The following UBE2D2 variants were observed in gnomAD, a reference collection of about 807,000 sequenced individuals.
The protein encoded by UBE2D2 is ubiquitin-conjugating enzyme E2 D2.
In UBE2D2, 2 loss-of-function variants were observed where a neutral mutation model predicts 24.2. The observed-to-expected ratio is 0.08, with a 90% CI of 0.03 to 0.26. The LOEUF (loss-of-function observed/expected upper bound fraction) is 0.26, where lower values mean the gene tolerates loss of function less well. Ranked by LOEUF, UBE2D2 falls within the 10% of genes least tolerant of loss-of-function variation. The pLI, the probability that UBE2D2 is intolerant of heterozygous loss-of-function variation, is 1.00. For missense variants in UBE2D2, 44 were observed against 177.6 expected, an observed-to-expected ratio of 0.25 and a Z score of 4.28; for synonymous variants, 58 against 56.5, an observed-to-expected ratio of 1.03 and a Z score of -0.12.
At chr5:139,575,829 G>GCAATT (rs1254516252) in intron 1 of UBE2D2, among the ~76,000 whole-genome samples, 1 of 152,198 alleles carries the variant, frequency 6.6e-6, no homozygotes. Flanking sequence ...ACCAGCCTGA[G>GCAATT]CAATTCAGCA....
intron 5 of UBE2D2, among the ~76,000 whole-genome samples, chr5:139,619,349 T>G (rs1391112474): frequency 6.8e-6 from 1 of 146,984 alleles, no homozygotes; most frequent in Non-Finnish European, 1.5e-5. Context: ...TGAGCCAACA[T>G]CACACCACTG....
intron 1 of UBE2D2, among the ~76,000 whole-genome samples, chr5:139,578,964 A>T (rs1005008724): frequency 6.6e-6 from 1 of 151,778 alleles, no homozygotes; most frequent in Non-Finnish European, 1.5e-5. Context: ...ATTTTTGTTT[A>T]TTTATTTATT....
chr5:139,590,880 C>T (rs779752300), intron 1 of UBE2D2, among the ~76,000 whole-genome samples: 4 of 142,830 alleles, frequency 2.8e-5, no homozygotes, highest in East Asian at 2.0e-4. Flanking sequence ...TTGCAATGTC[C>T]GCCTCCCGGG....
At chr5:139,529,249 T>A (rs549755155) in intron 1 of UBE2D2, among the ~76,000 whole-genome samples, 3 of 152,240 alleles carry the variant, frequency 2.0e-5, no homozygotes, top group African/African-American at 7.2e-5. Flanking sequence ...CCTCTGAACC[T>A]CCCAAGATCA....
intron 1 of UBE2D2, among the ~76,000 whole-genome samples, chr5:139,550,475 A>T (rs1016746388): frequency 6.6e-6 from 1 of 152,218 alleles, no homozygotes; most frequent in African/African-American, 2.4e-5. Context: ...CAAATGGGCC[A>T]ATCAGCAGGA....
At chr5:139,545,033 C>G (rs1477307661) in intron 1 of UBE2D2, among the ~76,000 whole-genome samples, 1 of 151,772 alleles carries the variant, frequency 6.6e-6, no homozygotes, top group African/African-American at 2.4e-5. Flanking sequence ...CCCGCCTCGG[C>G]CTTCCAAAGT....
At chr5:139,578,288 C>T (rs745617770) in intron 1 of UBE2D2, among the ~76,000 whole-genome samples, 1 of 152,170 alleles carries the variant, frequency 6.6e-6, no homozygotes, top group Non-Finnish European at 1.5e-5. Flanking sequence ...TGTATACTTC[C>T]TAATACTTTT....
At chr5:139,617,183 CAA>C (rs57391737) in intron 5 of UBE2D2, among the ~76,000 whole-genome samples, 2 of 105,444 alleles carry the variant, frequency 1.9e-5, no homozygotes, top group African/African-American at 3.6e-5. Flanking sequence ...ACTTTGTCTC[CAA>C]AAAAAAAAAA....
At chr5:139,584,546 T>C (rs1212192077) in intron 1 of UBE2D2, among the ~76,000 whole-genome samples, 4 of 151,474 alleles carry the variant, frequency 2.6e-5, no homozygotes, top group Non-Finnish European at 5.9e-5. Context: ...TTTTTTTTTT[T>C]TTGAGACAAG....
rs1176444169 is a variant in UBE2D2, at chr5:139,610,187, GTGAA to G, written c.89-4390_89-4387del. ...ATGTAGGGCAACTCAGAAAAATAGA[GTGAA>G]TGAATGAAGAGTCTACCATACGATA... On this transcript the variant is annotated intron_variant, in intron 2 of 6. Coordinates refer to ENST00000398733, the MANE Select transcript of UBE2D2 (RefSeq NM_003339.3). Among the ~76,000 whole-genome samples the G allele has an allele frequency of 3.9e-5, 6 of 152,226 alleles. No homozygotes were observed. The East Asian group carries it at 1.2e-3, about 29-fold the overall frequency.
chr5:139,611,931 C>T (rs1754328120), intron 2 of UBE2D2: 1 of 150,636 alleles, frequency 6.6e-6, no homozygotes, highest in South Asian at 2.1e-4. Context: ...TAACAGAGAA[C>T]TATCAATAAC....
intron 1 of UBE2D2, among the ~76,000 whole-genome samples, chr5:139,541,979 G>T (rs556485955): frequency 6.6e-6 from 1 of 152,212 alleles, no homozygotes; most frequent in South Asian, 2.1e-4. Context: ...CTGAGGTCAG[G>T]AGTTCAAGAC....
intron 1 of UBE2D2, among the ~76,000 whole-genome samples, chr5:139,550,536 T>G (rs143503388): frequency 6.6e-6 from 1 of 152,264 alleles, no homozygotes; most frequent in Non-Finnish European, 1.5e-5. Flanking sequence ...GCGCTAGTAG[T>G]GGCAACTGGC....
At chr5:139,625,164 C>T (rs1754589210) in intron 6 of UBE2D2, among the ~76,000 whole-genome samples, 1 of 135,184 alleles carries the variant, frequency 7.4e-6, no homozygotes, top group African/African-American at 2.6e-5. Context: ...CTCAAGTGAT[C>T]CTCCCACCCC....
chr5:139,613,965 G>A (rs1721025857), intron 2 of UBE2D2, among the ~76,000 whole-genome samples: 1 of 151,766 alleles, frequency 6.6e-6, no homozygotes, highest in Non-Finnish European at 1.5e-5. Context: ...GGGAGGCTGA[G>A]GCAGGAGAAT....
intron 1 of UBE2D2, among the ~76,000 whole-genome samples, chr5:139,538,284 T>C (rs1454572856): frequency 6.6e-6 from 1 of 152,074 alleles, no homozygotes; most frequent in Non-Finnish European, 1.5e-5. Flanking sequence ...ATACCTGGCA[T>C]GGCATGACAT....
At position 139,531,252 on chromosome 5, in the gene UBE2D2, C is replaced by A. The variant is rs373336196; in HGVS notation, c.-64+4640C>A. ...CTAAACCCAGTAGTTAAAAATCAACCCATAACTTAGAAACTGATGTTATTC... is the reference window on the plus strand; with the variant it reads ...CTAAACCCAGTAGTTAAAAATCAACACATAACTTAGAAACTGATGTTATTC... On this transcript the variant is annotated intron_variant, in intron 1 of 6. Coordinates refer to the UBE2D2 transcript ENST00000511725. 3.3e-5 allele frequency among the ~76,000 whole-genome samples: 5 copies of A among 152,322 alleles called. No individual in the cohort carries two copies. The South Asian group carries it at 1.0e-3, about 32-fold the overall frequency.
At chr5:139,573,902 C>T (rs1429592960) in intron 1 of UBE2D2, among the ~76,000 whole-genome samples, 2 of 151,968 alleles carry the variant, frequency 1.3e-5, no homozygotes, top group Admixed American at 6.6e-5. Context: ...ACTCGGGAAG[C>T]GGAGCTTGCA....
chr5:139,608,708 T>G (rs1754249108), intron 2 of UBE2D2, among the ~76,000 whole-genome samples: 2 of 152,234 alleles, frequency 1.3e-5, no homozygotes, highest in African/African-American at 2.4e-5. Context: ...GTTAGTAGAT[T>G]TTGATCCCAC....
Sources: allele counts gnomAD v4.1 joint callset (sites outside exome capture counted in the v4.1 genomes callset), GRCh38; gene constraint gnomAD v4.1.1; transcripts MANE v1.5; gene names NCBI Gene and HGNC (gene_info 2026-07-23, HGNC 2026-07-21).